HIPK2: variants seen among roughly 807,000 people sequenced by gnomAD.
HIPK2 encodes homeodomain interacting protein kinase 2.
HIPK2 carries 27 observed loss-of-function variants against 113.7 expected under a neutral mutation model. The observed-to-expected ratio is 0.24, with a 90% confidence interval of 0.17 to 0.33. HIPK2 has a LOEUF of 0.33. Ranked by LOEUF, HIPK2 falls within the 10% of genes least tolerant of loss-of-function variation. The pLI, the probability that HIPK2 is intolerant of heterozygous loss-of-function variation, is 1.00. For synonymous variants in HIPK2, 631 were observed against 642.2 expected, an observed-to-expected ratio of 0.98 and a Z score of 0.26; for missense variants, 1,257 against 1,588.0, an observed-to-expected ratio of 0.79 and a Z score of 3.54.
intron 2 of HIPK2, among the ~76,000 whole-genome samples, chr7:139,706,032 C>G (rs938637871): frequency 1.3e-5 from 2 of 152,156 alleles, no homozygotes; most frequent in Non-Finnish European, 2.9e-5. Flanking sequence ...GGTTACGAGG[C>G]CCCGGGGATG....
At chr7:139,720,948 A>C (rs1240121726) in intron 1 of HIPK2, among the ~76,000 whole-genome samples, 1 of 152,158 alleles carries the variant, frequency 6.6e-6, no homozygotes, top group Non-Finnish European at 1.5e-5. Flanking sequence ...CTTATGACTT[A>C]TTTGTTATTG....
chr7:139,721,342 T>C (rs1179925270), intron 1 of HIPK2, among the ~76,000 whole-genome samples: 3 of 152,376 alleles, frequency 2.0e-5, no homozygotes, highest in East Asian at 3.9e-4. Flanking sequence ...AATAATCTTA[T>C]GGCAACACAC....
At chr7:139,765,813 G>A (rs1021335030) in intron 1 of HIPK2, among the ~76,000 whole-genome samples, 2 of 152,006 alleles carry the variant, frequency 1.3e-5, no homozygotes, top group Non-Finnish European at 2.9e-5. Flanking sequence ...CCCCCCTTCT[G>A]CCCCATGGAT....
At chr7:139,669,805 GTTTT>G (rs1283416610) in intron 2 of HIPK2, among the ~76,000 whole-genome samples, 1 of 152,132 alleles carries the variant, frequency 6.6e-6, no homozygotes. Flanking sequence ...TGTGAGTGTG[GTTTT>G]TTTAGGAAAT....
Position 139,565,292 on chromosome 7 carries a change from G to C in HIPK2, c.*7635C>G, listed in dbSNP as rs1798058621. The C allele has an allele frequency of 1.3e-5, 2 of 152,018 alleles. No homozygotes were observed. Among genetic ancestry groups the C allele is most frequent in the African/African-American group, 4.8e-5 (2 of 41,386 alleles). 9.4% of individuals were successfully genotyped at this position (152,018 alleles called of 1,614,324 possible). On this transcript the variant is annotated 3_prime_UTR_variant, in exon 15 of 15. Transcript: ENST00000406875. ...TCTCAAACTCCGATTAGTTAGGTTT[G>C]CTTCCAATGGAGTTAAAGTTCTAAA...
intron 2 of HIPK2, among the ~76,000 whole-genome samples, chr7:139,680,464 G>A (rs1368516569): frequency 6.6e-6 from 1 of 152,140 alleles, no homozygotes; most frequent in Non-Finnish European, 1.5e-5. Flanking sequence ...TCCTTACCAG[G>A]TGCCTTGGGT....
chr7:139,629,292 AG>A (rs1311505977), intron 4 of HIPK2, among the ~76,000 whole-genome samples: 1 of 152,184 alleles, frequency 6.6e-6, no homozygotes, highest in Non-Finnish European at 1.5e-5. Flanking sequence ...TCCATACCAC[AG>A]GCTGATCAAG....
chr7:139,564,679 T>C lies in HIPK2; in HGVS notation c.*8248A>G, dbSNP rs1361971530. On this transcript the variant is annotated 3_prime_UTR_variant, in exon 15 of 15. Transcript: ENST00000406875. ...CACTTGCCTTGGGGGAGACACAACC[T>C]CCAACTAAGAGGCATTCACTGGGGT... 6.6e-6 allele frequency: 1 copy of C among 152,188 alleles called. No homozygotes were observed. Among genetic ancestry groups the C allele is most frequent in the Non-Finnish European group, 1.5e-5 (1 of 68,042 alleles). The allele number at this position is 152,188 out of a possible 1,614,324, so 9.4% of individuals were successfully genotyped here.
intron 12 of HIPK2, among the ~76,000 whole-genome samples, chr7:139,587,927 T>C (rs1332818338): frequency 6.6e-6 from 1 of 152,094 alleles, no homozygotes; most frequent in Non-Finnish European, 1.5e-5. Context: ...GGCTGACACC[T>C]GTAATTAGCA....
intron 2 of HIPK2, among the ~76,000 whole-genome samples, chr7:139,705,781 TG>T (rs1794875194): frequency 6.8e-6 from 1 of 147,190 alleles, no homozygotes; most frequent in Non-Finnish European, 1.5e-5. Flanking sequence ...GTCTGCCAGA[TG>T]ATAGTAATGA....
chr7:139,751,580 TTGGATGGATAGATGGA>T (rs1796279344), intron 1 of HIPK2, among the ~76,000 whole-genome samples: 1 of 141,582 alleles, frequency 7.1e-6, no homozygotes, highest in South Asian at 2.3e-4. Flanking sequence ...GGATGGATGG[TTGGATGGATAGATGGA>T]TGGATGGATG....
chr7:139,635,813 CATG>C (rs1800793314), intron 2 of HIPK2, among the ~76,000 whole-genome samples: 1 of 152,154 alleles, frequency 6.6e-6, no homozygotes, highest in South Asian at 2.1e-4. Context: ...CAGCACACCA[CATG>C]CTCTAGCGGC....
At position 139,714,933 on chromosome 7, in the gene HIPK2, G is replaced by T. The variant is rs1000684176; in HGVS notation, c.1103+999C>A. Among the ~76,000 whole-genome samples, 2 of 152,206 alleles carry T rather than the reference G, an allele frequency of 1.3e-5. No individual in the cohort carries two copies. The highest frequency in any genetic ancestry group is 1.5e-5 in the Non-Finnish European group (1 of 68,046). Reference sequence around the variant, plus strand: ...TACCTCCCAGCTGCCCACGAGGCTGGTGAGAGGATTTCTCCCACTTCATGG... The same window carrying T: ...TACCTCCCAGCTGCCCACGAGGCTGTTGAGAGGATTTCTCCCACTTCATGG... On this transcript the variant is annotated intron_variant, in intron 2 of 14. Transcript: ENST00000406875. The surrounding 1 kb of genome is among the most constrained non-coding windows in gnomAD (Gnocchi z 4.2).
intron 6 of HIPK2, among the ~76,000 whole-genome samples, chr7:139,623,351 A>G (rs1934584141): frequency 6.6e-6 from 1 of 152,024 alleles, no homozygotes; most frequent in Admixed American, 6.6e-5. Context: ...TCTCTATTAA[A>G]AATACAAAAA....
At position 139,683,453 on chromosome 7, in the gene HIPK2, G is replaced by GC. The variant is rs1475769208; in HGVS notation, c.1103+32478dup. ...TGAGCCTCAGCTCCTCCCTACGGGG[G>GC]CCTCCACAGGACTGCTCACAACACG... On this transcript the variant is annotated intron_variant, in intron 2 of 14. Transcript: ENST00000406875. This position sits in a 1 kb window ranked among gnomAD's most constrained non-coding sequence, Gnocchi z 4.2. 1.3e-5 allele frequency among the ~76,000 whole-genome samples: 2 copies of GC among 152,188 alleles called. No individual in the cohort carries two copies. The highest frequency in any genetic ancestry group is 2.9e-5 in the Non-Finnish European group (2 of 68,026).
chr7:139,718,411 T>C (rs1369425736), intron 1 of HIPK2, among the ~76,000 whole-genome samples: 1 of 152,164 alleles, frequency 6.6e-6, no homozygotes, highest in Non-Finnish European at 1.5e-5. Flanking sequence ...GTCCACCTTC[T>C]CTCTCAGTAG....
intron 1 of HIPK2, among the ~76,000 whole-genome samples, chr7:139,743,180 C>T (rs1796133853): frequency 6.6e-6 from 1 of 152,126 alleles, no homozygotes; most frequent in African/African-American, 2.4e-5. Context: ...GCAGGTTTCC[C>T]TTTCCCTACT....
At chr7:139,666,837 T>C (rs149784602) in intron 2 of HIPK2, among the ~76,000 whole-genome samples, 1 of 152,266 alleles carries the variant, frequency 6.6e-6, no homozygotes, top group Non-Finnish European at 1.5e-5. Context: ...CCGAGGCAGG[T>C]AGACGGCCTG....
intron 13 of HIPK2, among the ~76,000 whole-genome samples, chr7:139,579,696 GGGC>G (rs1798605554): frequency 2.6e-5 from 4 of 152,124 alleles, no homozygotes; most frequent in Non-Finnish European, 5.9e-5. Flanking sequence ...AGGTGGAAGG[GGGC>G]CTTCCTGACC....
Sources: allele counts gnomAD v4.1 joint callset (sites outside exome capture counted in the v4.1 genomes callset), GRCh38; gene constraint gnomAD v4.1.1; non-coding constraint Gnocchi (gnomAD v3.1); transcripts MANE v1.5; gene names NCBI Gene and HGNC (gene_info 2026-07-23, HGNC 2026-07-21).